MYH11: variants seen among roughly 807,000 people sequenced by gnomAD.
MYH11 encodes myosin-11.
A neutral mutation model predicts 246.6 loss-of-function variants in MYH11; 80 were observed. That is an observed-to-expected ratio of 0.32 (90% CI 0.27 to 0.39). The LOEUF (loss-of-function observed/expected upper bound fraction) is 0.39. Ranked by LOEUF, MYH11 falls within the 10% of genes least tolerant of loss-of-function variation. MYH11 has a pLI of 1.00. For synonymous variants in MYH11, 1,071 were observed against 1,015.5 expected (o/e 1.05, Z -1.04); for missense variants, 2,158 against 2,546.8 (o/e 0.85, Z 3.29).
chr16:15,767,632 C>T (rs1481105329), intron 9 of MYH11, among the ~76,000 whole-genome samples: 1 of 152,032 alleles, frequency 6.6e-6, no homozygotes, highest in Non-Finnish European at 1.5e-5. Context: ...TGAACGTGGC[C>T]TATTTTGGAA....
chr16:15,825,446 A>G (rs1290229726), intron 2 of MYH11, among the ~76,000 whole-genome samples: 1 of 151,602 alleles, frequency 6.6e-6, no homozygotes, highest in Non-Finnish European at 1.5e-5. Context: ...AGTCCCAGCT[A>G]CTTGGGAGGC....
intron 20 of MYH11, among the ~76,000 whole-genome samples, chr16:15,743,074 T>C (rs1044991981): frequency 1.3e-5 from 2 of 151,574 alleles, no homozygotes; most frequent in African/African-American, 2.4e-5. Context: ...ATTCCATTGA[T>C]AGATGAACCA....
chr16:15,847,499 C>T (rs918428097), intron 1 of MYH11, among the ~76,000 whole-genome samples: 1 of 152,182 alleles, frequency 6.6e-6, no homozygotes, highest in Admixed American at 6.5e-5. Context: ...AGTGATCTGC[C>T]TGCCTCGGTC....
intron 2 of MYH11, among the ~76,000 whole-genome samples, chr16:15,829,539 T>C (rs1330516736): frequency 1.3e-5 from 2 of 152,184 alleles, no homozygotes; most frequent in South Asian, 2.1e-4. Context: ...CCAACCATAG[T>C]TGGCTGTGTT....
chr16:15,826,854 A>G (rs558463531), intron 2 of MYH11, among the ~76,000 whole-genome samples: 6 of 151,864 alleles, frequency 4.0e-5, no homozygotes, highest in Non-Finnish European at 8.8e-5. Context: ...TTAGCAGGGC[A>G]TGGTGGCACA....
intron 25 of MYH11, 39 bp from the exon 26 acceptor site, chr16:15,735,617 C>T (rs1211875422): frequency 1.2e-6 from 2 of 1,610,168 alleles, no homozygotes; most frequent in Non-Finnish European, 1.7e-6. Context: ...CCCCCAGGTC[C>T]CTTGGTTTCC....
intron 10 of MYH11, 74 bp downstream of exon 10, chr16:15,763,722 C>T (rs2041917344): frequency 1.7e-6 from 2 of 1,184,714 alleles, no homozygotes; most frequent in Admixed American, 3.4e-5. Flanking sequence ...TGAAAAATAA[C>T]CAGTGGTTAA....
rs369841035 is a variant in MYH11, at chr16:15,708,742, T to C, written c.5787-4619A>G. ...AAATTGGGGTGGGCAGAGGGGCGCA[T>C]TGGGCAGAAAAGAAATGGATACTGA... On this transcript the variant is annotated intron_variant, in intron 40 of 40. Coordinates refer to ENST00000300036, the MANE Select transcript of MYH11 (RefSeq NM_002474.3). 2.6e-5 allele frequency: 40 copies of C among 1,548,484 alleles called. 1 individual carries two copies. In the African/African-American group the frequency reaches 3.4e-4, roughly 13 times the overall value.
chr16:15,718,799 A>G lies in MYH11; in HGVS notation c.5172-361T>C, dbSNP rs114518049. 1.4e-3 allele frequency: 599 copies of G among 419,912 alleles called. 7 individuals carry two copies. The East Asian group carries it at 0.021, about 15-fold the overall frequency. The allele number at this position is 419,912 out of a possible 1,614,324, so 26.0% of individuals were successfully genotyped here. ...CCTAACCACCATGGGTCTGTCCCCA[A>G]TCTCAGAGGACGCTTCGTCAGCAGC... is the stretch of plus-strand genomic sequence containing the variant. On this transcript the variant is annotated intron_variant, in intron 36 of 40. Transcript: ENST00000300036.
intron 25 of MYH11, 142 bp downstream of exon 25, chr16:15,737,307 T>TG: frequency 1.0e-6 from 1 of 1,000,356 alleles, no homozygotes; most frequent in Non-Finnish European, 1.5e-6. Flanking sequence ...AGAAGGCTTG[T>TG]GGGAGGCCTG....
chr16:15,759,857 G>A, intron 11 of MYH11, 129 bp from the exon 12 acceptor site: 4 of 1,214,292 alleles, frequency 3.3e-6, no homozygotes, highest in Non-Finnish European at 4.6e-6. Flanking sequence ...AGCACTTTGG[G>A]AGGCCGAGGC....
At chr16:15,763,700 A>G in intron 10 of MYH11, 96 bp downstream of exon 10, 3 of 1,051,598 alleles carry the variant, frequency 2.9e-6, no homozygotes, top group Non-Finnish European at 4.5e-6. Flanking sequence ...AAAATCCCAG[A>G]TACCTTCACC....
At chr16:15,828,800 AAAAG>A (rs1444947915) in intron 2 of MYH11, among the ~76,000 whole-genome samples, 28 of 126,410 alleles carry the variant, frequency 2.2e-4, no homozygotes, top group Non-Finnish European at 4.0e-4. Context: ...AAAAAAAAAA[AAAAG>A]AAGGAAGGAA....
chr16:15,705,208 C>T (rs1398364378), intron 40 of MYH11, among the ~76,000 whole-genome samples: 1 of 152,200 alleles, frequency 6.6e-6, no homozygotes, highest in Non-Finnish European at 1.5e-5. Flanking sequence ...TCTTGAACTC[C>T]TGGCCTCAAA....
chr16:15,771,838 A>C, intron 8 of MYH11, 126 bp from the exon 9 acceptor site: 1 of 1,263,698 alleles, frequency 7.9e-7, no homozygotes, highest in Non-Finnish European at 1.1e-6. Flanking sequence ...TGAACCGTTT[A>C]AAGCCCTCAC....
At chr16:15,809,085 C>A (rs1316871711) in intron 3 of MYH11, among the ~76,000 whole-genome samples, 4 of 152,108 alleles carry the variant, frequency 2.6e-5, no homozygotes, top group African/African-American at 9.7e-5. Context: ...ACTTCACCTT[C>A]CAAGGAAGCC....
chr16:15,724,460 CT>C (rs2040646262), intron 30 of MYH11, 51 bp from the exon 31 acceptor site: 1 of 1,610,672 alleles, frequency 6.2e-7, no homozygotes, highest in African/African-American at 1.3e-5. Flanking sequence ...TGAGTGGCCC[CT>C]GTCCCTGGCC....
In MYH11 at chr16:15,703,925, GT is replaced by G. The variant is rs5815842; in HGVS notation, c.*65del. The G allele has an allele frequency of 1.9e-5, 30 of 1,606,256 alleles. No homozygotes were observed. The highest frequency in any genetic ancestry group is 3.3e-4 in the Middle Eastern group (2 of 5,992). On this transcript the variant is annotated 3_prime_UTR_variant, in exon 41 of 41. Transcript: ENST00000300036. ...TTGCTTTGTTCTGGGTTGTTGTTGG[GT>G]TTTTTTTGTTTGTTTGTTTTGGTTT...
At position 15,776,211 on chromosome 16, in the gene MYH11, T is replaced by C. The variant is rs775483613; in HGVS notation, c.791-35A>G. ...AGGGAGTTAGGGATTCTGGGGATAC[T>C]GCGGGTGTTCCTCTGGTCTTCCACC... On this transcript the variant is annotated intron_variant, in intron 7 of 40. Coordinates refer to ENST00000300036, the MANE Select transcript of MYH11 (RefSeq NM_002474.3). The C allele has an allele frequency of 4.2e-6, 6 of 1,435,748 alleles. No homozygotes were observed. In the African/African-American group the frequency reaches 8.4e-5, roughly 20 times the overall value. The allele number at this position is 1,435,748 out of a possible 1,614,324, so 88.9% of individuals were successfully genotyped here. A position where few individuals can be genotyped will look rare whatever the true frequency, so the allele number is the denominator to read the frequency against.
Sources: allele counts gnomAD v4.1 joint callset (sites outside exome capture counted in the v4.1 genomes callset), GRCh38; gene constraint gnomAD v4.1.1; transcripts MANE v1.5; gene names NCBI Gene and HGNC (gene_info 2026-07-23, HGNC 2026-07-21).